FSHR: variants seen among roughly 807,000 people sequenced by gnomAD.
The protein encoded by FSHR is follicle-stimulating hormone receptor.
In FSHR, 46 loss-of-function variants were observed where a neutral mutation model predicts 52.1. That is an observed-to-expected ratio of 0.88 (90% CI 0.70 to 1.13). The LOEUF (loss-of-function observed/expected upper bound fraction) is 1.13, where lower values mean the gene tolerates loss of function less well. Among genes scored for constraint, FSHR ranks in the 50% most tolerant of loss-of-function variants. The pLI is 0.00. For missense variants in FSHR, 964 were observed against 834.6 expected (o/e 1.16, Z -1.91); for synonymous variants, 399 against 309.6 (o/e 1.29, Z -3.03).
intron 2 of FSHR, among the ~76,000 whole-genome samples, chr2:49,049,974 C>G (rs1668796729): frequency 6.6e-6 from 1 of 151,972 alleles, no homozygotes. Flanking sequence ...ATTTTAAGGA[C>G]ACACCTAGCA....
In FSHR at chr2:49,154,473, A is replaced by G; in HGVS notation, c.-56T>C. The stretch of plus-strand genomic sequence containing the variant: ...TGCATTTGCAGAGAAAAACCTCCAC[A>G]GATCTCAGAAGCTCCACACAGTGCC... On this transcript the variant is annotated 5_prime_UTR_variant, in exon 1 of 10. Coordinates refer to ENST00000406846, the MANE Select transcript of FSHR (RefSeq NM_000145.4). The G allele has an allele frequency of 7.0e-6, 11 of 1,577,004 alleles. No homozygotes were observed. The highest frequency in any genetic ancestry group is 9.6e-6 in the Non-Finnish European group (11 of 1,149,662).
chr2:49,086,028 G>C (rs13024666), intron 1 of FSHR, among the ~76,000 whole-genome samples: 36,303 of 151,640 alleles, frequency 0.24, 4,521 homozygotes, highest in African/African-American at 0.28. Context: ...ACGAGTTAAT[G>C]GGTGCAGCAC....
chr2:49,063,905 G>A (rs1200067916), intron 2 of FSHR, among the ~76,000 whole-genome samples: 1 of 151,986 alleles, frequency 6.6e-6, no homozygotes, highest in Non-Finnish European at 1.5e-5. Flanking sequence ...ATTACCCAAT[G>A]TATATATGTA....
intron 2 of FSHR, among the ~76,000 whole-genome samples, chr2:49,027,142 C>T (rs904552424): frequency 1.3e-5 from 2 of 152,202 alleles, no homozygotes; most frequent in African/African-American, 4.8e-5. Context: ...CAACTTCTCT[C>T]CACCATTTTT....
intron 1 of FSHR, among the ~76,000 whole-genome samples, chr2:49,133,963 C>T (rs1009914461): frequency 3.9e-5 from 6 of 152,126 alleles, no homozygotes; most frequent in Admixed American, 6.5e-5. Context: ...AACCTAAAAA[C>T]CCTAGAAGGA....
intron 2 of FSHR, among the ~76,000 whole-genome samples, chr2:49,022,692 C>T (rs1203710550): frequency 1.3e-5 from 2 of 152,086 alleles, no homozygotes; most frequent in Admixed American, 6.5e-5. Flanking sequence ...CCCTGCCTCC[C>T]GTGCCATATT....
intron 1 of FSHR, among the ~76,000 whole-genome samples, chr2:49,121,254 T>G (rs1195716005): frequency 6.6e-6 from 1 of 152,222 alleles, no homozygotes; most frequent in Non-Finnish European, 1.5e-5. Flanking sequence ...TCTATTTCAT[T>G]ATTTATGAAG....
intron 6 of FSHR, among the ~76,000 whole-genome samples, chr2:48,984,221 T>TA (rs563208318): frequency 1.3e-5 from 2 of 152,080 alleles, no homozygotes; most frequent in Admixed American, 6.5e-5. Context: ...ACCAATTACC[T>TA]AAAAAAATCC....
chr2:48,977,761 T>C (rs1236297847), intron 8 of FSHR, among the ~76,000 whole-genome samples: 1 of 152,208 alleles, frequency 6.6e-6, no homozygotes, highest in African/African-American at 2.4e-5. Flanking sequence ...AGTAGGTGTT[T>C]AATCAACATC....
At chr2:49,064,276 CTGTTAAAACT>C (rs1328829974) in intron 2 of FSHR, among the ~76,000 whole-genome samples, 1 of 152,080 alleles carries the variant, frequency 6.6e-6, no homozygotes, top group African/African-American at 2.4e-5. Flanking sequence ...CCCAAATTTC[CTGTTAAAACT>C]CAATCTCCAC....
At chr2:49,055,130 A>C (rs1222187333) in intron 2 of FSHR, among the ~76,000 whole-genome samples, 1 of 152,082 alleles carries the variant, frequency 6.6e-6, no homozygotes, top group East Asian at 1.9e-4. Flanking sequence ...AGACAATTTA[A>C]TCAAATCAGG....
At chr2:49,152,139 G>A (rs1449017127) in intron 1 of FSHR, among the ~76,000 whole-genome samples, 1 of 152,084 alleles carries the variant, frequency 6.6e-6, no homozygotes, top group Admixed American at 6.5e-5. Flanking sequence ...TTAGGTGGAG[G>A]AAAATCCTAA....
intron 1 of FSHR, among the ~76,000 whole-genome samples, chr2:49,115,491 G>A (rs1038073808): frequency 2.6e-5 from 4 of 152,132 alleles, no homozygotes; most frequent in Non-Finnish European, 5.9e-5. Context: ...ATAAGTGCTA[G>A]GGTAAAAACA....
intron 6 of FSHR, among the ~76,000 whole-genome samples, chr2:48,983,779 ATGTGGGC>A (rs1287192195): frequency 6.6e-6 from 1 of 152,106 alleles, no homozygotes; most frequent in East Asian, 1.9e-4. Context: ...ATTACAGAGA[ATGTGGGC>A]TGTGGCAGGG....
chr2:49,135,957 G>T (rs1465038145), intron 1 of FSHR, among the ~76,000 whole-genome samples: 1 of 152,068 alleles, frequency 6.6e-6, no homozygotes, highest in Admixed American at 6.6e-5. Context: ...GTCTTGGGGG[G>T]CTGGCAGAGG....
chr2:49,106,426 A>G (rs780255797), intron 1 of FSHR, among the ~76,000 whole-genome samples: 11 of 152,184 alleles, frequency 7.2e-5, no homozygotes, highest in Non-Finnish European at 1.2e-4. Flanking sequence ...GGGGAAGGCA[A>G]TGATAGGGAA....
intron 4 of FSHR, among the ~76,000 whole-genome samples, chr2:49,004,839 A>C (rs903880433): frequency 6.6e-6 from 1 of 152,142 alleles, no homozygotes; most frequent in Non-Finnish European, 1.5e-5. Flanking sequence ...TCTTATTTCA[A>C]AATTAATGAG....
At chr2:49,140,918 T>C (rs977664763) in intron 1 of FSHR, among the ~76,000 whole-genome samples, 1 of 152,210 alleles carries the variant, frequency 6.6e-6, no homozygotes, top group Non-Finnish European at 1.5e-5. Flanking sequence ...CATTTTCACA[T>C]GGCATTCACT....
chr2:49,028,573 C>T (rs1263606158), intron 2 of FSHR, among the ~76,000 whole-genome samples: 3 of 152,220 alleles, frequency 2.0e-5, no homozygotes, highest in Non-Finnish European at 4.4e-5. Flanking sequence ...CCTCAAAAAT[C>T]AATTTCCCTC....
Sources: allele counts gnomAD v4.1 joint callset (sites outside exome capture counted in the v4.1 genomes callset), GRCh38; gene constraint gnomAD v4.1.1; transcripts MANE v1.5; gene names NCBI Gene and HGNC (gene_info 2026-07-23, HGNC 2026-07-21).